The following GRIK4 variants were observed in gnomAD, a reference collection of about 807,000 sequenced individuals.
The protein encoded by GRIK4 is glutamate receptor ionotropic, kainate 4.
A neutral mutation model predicts 104.9 loss-of-function variants in GRIK4; 40 were observed. The ratio of observed to expected loss-of-function variants is 0.38; its 90% confidence interval spans 0.30 to 0.50. The LOEUF (loss-of-function observed/expected upper bound fraction) is 0.50, where lower values mean the gene tolerates loss of function less well. Among genes scored for constraint, GRIK4 ranks in the 20% least tolerant of loss-of-function variants. The pLI, the probability that GRIK4 is intolerant of heterozygous loss-of-function variation, is 0.93. For synonymous variants in GRIK4, 485 were observed against 524.9 expected, an observed-to-expected ratio of 0.92 and a Z score of 1.04; for missense variants, 1,047 against 1,308.1, an observed-to-expected ratio of 0.80 and a Z score of 3.08.
At chr11:120,542,805 A>G (rs1393727876) in intron 1 of GRIK4, among the ~76,000 whole-genome samples, 1 of 152,244 alleles carries the variant, frequency 6.6e-6, no homozygotes, top group Non-Finnish European at 1.5e-5. Flanking sequence ...GATAACAAAT[A>G]CTGGTGAGGA....
chr11:120,536,569 A>G (rs1443599150), intron 1 of GRIK4, among the ~76,000 whole-genome samples: 1 of 152,142 alleles, frequency 6.6e-6, no homozygotes, highest in Admixed American at 6.6e-5. Flanking sequence ...TCGCTTAGTC[A>G]CGTGACAGAT....
At chr11:120,623,363 G>A (rs955286282) in intron 1 of GRIK4, among the ~76,000 whole-genome samples, 24 of 151,960 alleles carry the variant, frequency 1.6e-4, no homozygotes, top group African/African-American at 5.6e-4. Flanking sequence ...GGCCTCCTGG[G>A]CTCAAGTGAT....
At chr11:120,658,480 A>G (rs888180944) in intron 2 of GRIK4, among the ~76,000 whole-genome samples, 2 of 152,284 alleles carry the variant, frequency 1.3e-5, no homozygotes, top group Admixed American at 1.3e-4. Flanking sequence ...TTCAGTTTAC[A>G]CACCTACTAC....
intron 19 of GRIK4, among the ~76,000 whole-genome samples, chr11:120,978,150 C>T (rs1591354029): frequency 6.6e-6 from 1 of 152,164 alleles, no homozygotes; most frequent in Non-Finnish European, 1.5e-5. Flanking sequence ...TATAATGGGC[C>T]AGGTACCATG....
chr11:120,782,780 C>T (rs1255623543), intron 3 of GRIK4, among the ~76,000 whole-genome samples: 2 of 152,136 alleles, frequency 1.3e-5, no homozygotes, highest in Non-Finnish European at 2.9e-5. Context: ...AAAGGGTCCA[C>T]GCCGGTGGTT....
chr11:120,839,008 A>G (rs898081941), intron 8 of GRIK4, among the ~76,000 whole-genome samples: 2 of 152,180 alleles, frequency 1.3e-5, no homozygotes, highest in East Asian at 3.9e-4. Context: ...GCTGCTCTCA[A>G]ACTCCTGACT....
chr11:120,687,997 C>A (rs1317195661), intron 3 of GRIK4, among the ~76,000 whole-genome samples: 1 of 152,114 alleles, frequency 6.6e-6, no homozygotes, highest in African/African-American at 2.4e-5. Flanking sequence ...TATTTGAGGA[C>A]CCTCAAGTCC....
At chr11:120,661,862 C>G (rs939117047) in intron 3 of GRIK4, among the ~76,000 whole-genome samples, 2 of 152,138 alleles carry the variant, frequency 1.3e-5, no homozygotes, top group African/African-American at 4.8e-5. Context: ...ACAAAATTTT[C>G]CCTCCCTCTT....
At chr11:120,929,298 A>G (rs1222347706) in intron 13 of GRIK4, among the ~76,000 whole-genome samples, 1 of 152,098 alleles carries the variant, frequency 6.6e-6, no homozygotes, top group Non-Finnish European at 1.5e-5. Context: ...GTGTGTTCTC[A>G]GGCATGTGAC....
At chr11:120,516,950 A>G (rs1424168597) in intron 1 of GRIK4, among the ~76,000 whole-genome samples, 2 of 128,542 alleles carry the variant, frequency 1.6e-5, no homozygotes, top group Non-Finnish European at 3.3e-5. Context: ...GCCACTGTCT[A>G]GTCTTGTGCA....
chr11:120,767,288 C>T (rs963819455), intron 3 of GRIK4, among the ~76,000 whole-genome samples: 1 of 152,104 alleles, frequency 6.6e-6, no homozygotes, highest in Admixed American at 6.5e-5. Flanking sequence ...TTGTATTTCC[C>T]TGAGGATAAG....
chr11:120,773,477 C>T (rs61901423), intron 3 of GRIK4, among the ~76,000 whole-genome samples: 2 of 152,192 alleles, frequency 1.3e-5, no homozygotes, highest in East Asian at 1.9e-4. Context: ...GGACCAAACA[C>T]GGAGAGAAAG....
chr11:120,769,493 T>C (rs1951899645), intron 3 of GRIK4, among the ~76,000 whole-genome samples: 1 of 152,228 alleles, frequency 6.6e-6, no homozygotes, highest in South Asian at 2.1e-4. Context: ...AATATTTTAA[T>C]TTTATATAAT....
At chr11:120,918,503 C>A (rs1943159051) in intron 13 of GRIK4, among the ~76,000 whole-genome samples, 1 of 152,198 alleles carries the variant, frequency 6.6e-6, no homozygotes, top group Non-Finnish European at 1.5e-5. Flanking sequence ...CAGGTTAAGA[C>A]ATGGTGAAGG....
intron 3 of GRIK4, among the ~76,000 whole-genome samples, chr11:120,746,295 A>G (rs1396050271): frequency 1.3e-5 from 2 of 152,158 alleles, no homozygotes; most frequent in Non-Finnish European, 2.9e-5. Flanking sequence ...GGAAGTTATT[A>G]AACCTCTCTA....
intron 1 of GRIK4, among the ~76,000 whole-genome samples, chr11:120,586,725 A>G (rs1948669866): frequency 6.6e-6 from 1 of 151,798 alleles, no homozygotes; most frequent in African/African-American, 2.4e-5. Flanking sequence ...CAGCAAGGGG[A>G]CCCTTCCTCC....
At chr11:120,972,218 G>A (rs1041914408) in intron 19 of GRIK4, among the ~76,000 whole-genome samples, 3 of 152,176 alleles carry the variant, frequency 2.0e-5, no homozygotes, top group African/African-American at 7.2e-5. Flanking sequence ...CCTGGACTGG[G>A]TTTGGGAGCA....
At chr11:120,544,380 G>C (rs1252327317) in intron 1 of GRIK4, among the ~76,000 whole-genome samples, 2 of 152,024 alleles carry the variant, frequency 1.3e-5, no homozygotes, top group Middle Eastern at 3.2e-3. Flanking sequence ...ACCCAGGCTA[G>C]AGTGCAGTGG....
intron 3 of GRIK4, among the ~76,000 whole-genome samples, chr11:120,769,871 G>A (rs1951908424): frequency 6.6e-6 from 1 of 152,194 alleles, no homozygotes. Flanking sequence ...GGTGCTCCAT[G>A]GTGGACAAAG....
Sources: allele counts gnomAD v4.1 joint callset (sites outside exome capture counted in the v4.1 genomes callset), GRCh38; gene constraint gnomAD v4.1.1; transcripts MANE v1.5; gene names NCBI Gene and HGNC (gene_info 2026-07-23, HGNC 2026-07-21).